RASGEF1A: variants seen among roughly 807,000 people sequenced by gnomAD.
The protein encoded by RASGEF1A is RasGEF domain family member 1A, also known as ras-GEF domain-containing family member 1A.
Under a neutral mutation model 56.4 loss-of-function variants are expected in RASGEF1A, and 18 were observed. The observed-to-expected ratio is 0.32, with a 90% CI of 0.22 to 0.47. RASGEF1A has a LOEUF of 0.47. Ranked by LOEUF, RASGEF1A falls within the 20% of genes least tolerant of loss-of-function variation. The pLI is 1.00. For missense variants in RASGEF1A, 422 were observed against 627.1 expected (o/e 0.67, Z 3.49); for synonymous variants, 245 against 242.6 (o/e 1.01, Z -0.09).
intron 1 of RASGEF1A, among the ~76,000 whole-genome samples, chr10:43,213,591 C>T (rs1840096011): frequency 6.6e-6 from 1 of 152,156 alleles, no homozygotes; most frequent in Non-Finnish European, 1.5e-5. Context: ...GAATGACATT[C>T]CTTTTTGCAG....
chr10:43,240,788 G>GA (rs535060047), intron 1 of RASGEF1A, among the ~76,000 whole-genome samples: 2 of 151,864 alleles, frequency 1.3e-5, no homozygotes, highest in South Asian at 2.1e-4. Flanking sequence ...AAATAAGGCA[G>GA]AAAAAAAATA....
At position 43,245,078 on chromosome 10, in the gene RASGEF1A, AAT is replaced by A. The variant is rs1479644271; in HGVS notation, c.-7+21765_-7+21766del. ...TTCTAACTACACTGAACAAGAAAAA[AAT>A]AGAGAGAAGACTCAAATTAGTAAAA... is the stretch of plus-strand genomic sequence containing the variant. On this transcript the variant is annotated intron_variant, in intron 1 of 12. Transcript: ENST00000395810. Among the ~76,000 whole-genome samples the A allele has an allele frequency of 3.3e-5, 5 of 152,166 alleles. No individual in the cohort carries two copies. In the South Asian group the frequency reaches 1.0e-3, roughly 31 times the overall value.
chr10:43,240,459 G>C (rs919969433), intron 1 of RASGEF1A, among the ~76,000 whole-genome samples: 10 of 152,138 alleles, frequency 6.6e-5, no homozygotes, highest in Admixed American at 6.5e-4. Context: ...AGGAATTGAT[G>C]TTTAAAGAAC....
Position 43,194,590 on chromosome 10 carries a change from C to T in RASGEF1A, c.*1654G>A, listed in dbSNP as rs557109022. The T allele has an allele frequency of 1.3e-5, 2 of 152,354 alleles. No homozygotes were observed. The highest frequency in any genetic ancestry group is 3.9e-4 in the East Asian group (2 of 5,174). The allele number at this position is 152,354 out of a possible 1,614,324, so 9.4% of individuals were successfully genotyped here. A position where few individuals can be genotyped will look rare whatever the true frequency, so the allele number is the denominator to read the frequency against. On this transcript the variant is annotated 3_prime_UTR_variant, in exon 13 of 13. Transcript: ENST00000395810. ...GTATGTCCAGTCACACCAAAACTGACGTCCTGCATTATGGTACAGCTTCAT... is the reference window on the plus strand; with the variant it reads ...GTATGTCCAGTCACACCAAAACTGATGTCCTGCATTATGGTACAGCTTCAT...
chr10:43,225,886 A>T (rs1840273256), intron 1 of RASGEF1A, among the ~76,000 whole-genome samples: 1 of 151,694 alleles, frequency 6.6e-6, no homozygotes. Flanking sequence ...GGGGAGGGGG[A>T]GAGAGAGGAG....
rs931031701 is a variant in RASGEF1A at position 43,226,221 on chromosome 10, C to A, written c.-6-20099G>T. On this transcript the variant is annotated intron_variant, in intron 1 of 12. Transcript: ENST00000395810. Reference sequence around the variant, plus strand: ...CTTTGGGAAGCCAAAGCGGGCAGATCATCTGAGGTCAGGAGTTCGAAACCA... The same window carrying A: ...CTTTGGGAAGCCAAAGCGGGCAGATAATCTGAGGTCAGGAGTTCGAAACCA... Among the ~76,000 whole-genome samples the A allele has an allele frequency of 3.8e-4, 58 of 152,304 alleles. 1 individual carries two copies. The highest frequency in any genetic ancestry group is 6.5e-4 in the Non-Finnish European group (44 of 68,024).
chr10:43,263,400 C>T (rs1311474602), intron 1 of RASGEF1A, among the ~76,000 whole-genome samples: 1 of 152,088 alleles, frequency 6.6e-6, no homozygotes, highest in Non-Finnish European at 1.5e-5. Flanking sequence ...AAAGTCAGCC[C>T]GCACAGGCGA....
chr10:43,238,663 G>C (rs1840466257), intron 1 of RASGEF1A, among the ~76,000 whole-genome samples: 1 of 152,206 alleles, frequency 6.6e-6, no homozygotes, highest in South Asian at 2.1e-4. Flanking sequence ...TCTGTGATGG[G>C]CAGGGCCCCT....
chr10:43,233,661 TG>T (rs766061670), intron 1 of RASGEF1A, among the ~76,000 whole-genome samples: 14 of 152,130 alleles, frequency 9.2e-5, no homozygotes, highest in East Asian at 5.8e-4. Context: ...TCTCAGCTGC[TG>T]GCGGCGCGGC....
chr10:43,239,178 C>G (rs1840473551), intron 1 of RASGEF1A, among the ~76,000 whole-genome samples: 1 of 152,176 alleles, frequency 6.6e-6, no homozygotes, highest in Admixed American at 6.5e-5. Context: ...GGTCCTCTAG[C>G]AAAAGACACC....
chr10:43,229,848 AG>A, intron 1 of RASGEF1A: 1 of 744,638 alleles, frequency 1.3e-6, no homozygotes, highest in Non-Finnish European at 1.9e-6. Flanking sequence ...GGCGGGGCAG[AG>A]GGGCCGCGAG....
At chr10:43,244,130 G>A (rs1051963539) in intron 1 of RASGEF1A, among the ~76,000 whole-genome samples, 5 of 152,208 alleles carry the variant, frequency 3.3e-5, no homozygotes, top group African/African-American at 1.2e-4. Context: ...TCAACTCAGG[G>A]TTAAATGGAT....
At chr10:43,266,323 G>C (rs1212940375) in intron 1 of RASGEF1A, among the ~76,000 whole-genome samples, 4 of 152,164 alleles carry the variant, frequency 2.6e-5, no homozygotes, top group Non-Finnish European at 5.9e-5. Flanking sequence ...CATGGCCCTG[G>C]ACCTCTCCCC....
intron 1 of RASGEF1A, among the ~76,000 whole-genome samples, chr10:43,230,428 T>C (rs1300785235): frequency 1.3e-5 from 2 of 152,128 alleles, no homozygotes; most frequent in African/African-American, 4.8e-5. Flanking sequence ...GTGATGGGGC[T>C]ACCCCTCTGC....
chr10:43,256,028 C>G (rs886598508), intron 1 of RASGEF1A, among the ~76,000 whole-genome samples: 1 of 152,164 alleles, frequency 6.6e-6, no homozygotes, highest in Non-Finnish European at 1.5e-5. Context: ...CTCTCTCCTG[C>G]CCCCTAGAGC....
chr10:43,251,411 C>T lies in RASGEF1A; in HGVS notation c.-7+15434G>A, dbSNP rs907905687. On this transcript the variant is annotated intron_variant, in intron 1 of 12. Transcript: ENST00000395810. The stretch of plus-strand genomic sequence containing the variant: ...CTAGGATTTGCACCTCAGCTGGAGT[C>T]CCCTAGGAGGCACAAAGGCTGGAGC... 1.6e-4 allele frequency among the ~76,000 whole-genome samples: 25 copies of T among 152,282 alleles called. 1 individual carries two copies. Among genetic ancestry groups the T allele is most frequent in the Admixed American group, 9.2e-4 (14 of 15,298 alleles).
At chr10:43,220,570 G>T (rs1032349777) in intron 1 of RASGEF1A, among the ~76,000 whole-genome samples, 3 of 152,178 alleles carry the variant, frequency 2.0e-5, no homozygotes, top group Non-Finnish European at 4.4e-5. Flanking sequence ...GATCACTTGA[G>T]GTCAGGAGTT....
chr10:43,207,573 A>T (rs1215828200), intron 1 of RASGEF1A: 1 of 985,488 alleles, frequency 1.0e-6, no homozygotes, highest in Non-Finnish European at 1.2e-6. Context: ...CAAGAACGCA[A>T]CCAAAGGCCC....
intron 1 of RASGEF1A, among the ~76,000 whole-genome samples, chr10:43,241,920 G>A (rs376125533): frequency 1.3e-5 from 2 of 152,136 alleles, no homozygotes; most frequent in East Asian, 1.9e-4. Flanking sequence ...GGTGGATCAC[G>A]AGGTCAGGAG....
Sources: gnomAD v4.1 joint callset for allele counts (sites outside exome capture counted in the v4.1 genomes callset) on GRCh38, gnomAD v4.1.1 for gene constraint, MANE v1.5 for transcripts, NCBI Gene and HGNC (gene_info 2026-07-23, HGNC 2026-07-21) for gene names.